CSPP1: variants seen among roughly 807,000 people sequenced by gnomAD.
The protein encoded by CSPP1 is centrosome and spindle pole-associated protein 1.
CSPP1 carries 126 observed loss-of-function variants against 164.4 expected under a neutral mutation model. The observed-to-expected ratio is 0.77, with a 90% CI of 0.66 to 0.89. CSPP1 has a LOEUF of 0.89. Ranked by LOEUF, CSPP1 falls within the 40% of genes least tolerant of loss-of-function variation. The probability of loss-of-function intolerance (pLI) is 0.00; values close to 1 mark genes in which losing one functional copy is unlikely to be tolerated. For synonymous variants in CSPP1, 472 were observed against 476.7 expected (o/e 0.99, Z 0.13); for missense variants, 1,395 against 1,449.8 (o/e 0.96, Z 0.61).
rs1563675965 is a variant in CSPP1 at position 67,146,799 on chromosome 8, CGT to C, written c.1976-2983_1976-2982del. 1.9e-3 allele frequency among the ~76,000 whole-genome samples: 283 copies of C among 152,246 alleles called. 2 individuals carry two copies. Among genetic ancestry groups the C allele is most frequent in the African/African-American group, 6.5e-3 (272 of 41,544 alleles). The stretch of plus-strand genomic sequence containing the variant: ...GAGCTAATTCACTCAGTGAGGAGCA[CGT>C]AAGTGCTCCTAATTTTATATTGAAT... On this transcript the variant is annotated intron_variant, in intron 17 of 30. Coordinates refer to ENST00000678616, the MANE Select transcript of CSPP1 (RefSeq NM_001382391.1).
At chr8:67,098,306 T>C (rs1296196750) in intron 7 of CSPP1, among the ~76,000 whole-genome samples, 4 of 151,120 alleles carry the variant, frequency 2.6e-5, no homozygotes, top group African/African-American at 9.7e-5. Flanking sequence ...TTTTTTTTTT[T>C]CCTTTCCTAA....
chr8:67,139,765 T>C (rs1369402371), intron 17 of CSPP1, among the ~76,000 whole-genome samples: 2 of 152,116 alleles, frequency 1.3e-5, no homozygotes, highest in Non-Finnish European at 2.9e-5. Context: ...ACACCGCATG[T>C]TCTCACTCAT....
chr8:67,142,666 C>A (rs957775281), intron 17 of CSPP1, among the ~76,000 whole-genome samples: 4 of 152,010 alleles, frequency 2.6e-5, no homozygotes, highest in Admixed American at 6.6e-5. Context: ...ATTTTTATTT[C>A]TTTTGGGTAA....
Position 67,095,293 on chromosome 8 carries a change from C to A in CSPP1, c.484C>A (p.Pro162Thr). 1 of 1,552,356 alleles carries A rather than the reference C, an allele frequency of 6.4e-7. No individual in the cohort carries two copies. Among genetic ancestry groups the A allele is most frequent in the Non-Finnish European group, 8.7e-7 (1 of 1,155,938 alleles). Reference sequence around the variant, plus strand: ...TCTTTTTTCTTTTTTAATTGAACAGCCCAAGAGTCAGAGAAATAAAAAACC... The same window carrying A: ...TCTTTTTTCTTTTTTAATTGAACAGACCAAGAGTCAGAGAAATAAAAAACC... ...KFRQVEKSTEPKSQRNKKPIG... is the reference protein window; with the variant it reads ...KFRQVEKSTETKSQRNKKPIG... Residue 162 changes from proline (P) to threonine (T), a missense_variant and splice_region_variant, in exon 7 of 31, where the codon CCC (proline) becomes ACC (threonine). By Grantham distance (38) the Pro-to-Thr change is conservative (BLOSUM62 -1). Transcript: ENST00000678616.
intron 24 of CSPP1, among the ~76,000 whole-genome samples, chr8:67,166,460 T>A (rs1829322021): frequency 6.6e-6 from 1 of 152,240 alleles, no homozygotes; most frequent in South Asian, 2.1e-4. Context: ...ACTTATGGTT[T>A]GTTTAGATTT....
chr8:67,194,890 A>G (rs1033913195), intron 30 of CSPP1, among the ~76,000 whole-genome samples: 2 of 152,178 alleles, frequency 1.3e-5, no homozygotes, highest in African/African-American at 4.8e-5. Flanking sequence ...AAGTAATCTC[A>G]TGCCAACTAG....
intron 9 of CSPP1, among the ~76,000 whole-genome samples, chr8:67,106,982 C>G (rs1309265501): frequency 6.6e-6 from 1 of 151,254 alleles, no homozygotes; most frequent in African/African-American, 2.4e-5. Context: ...CATGTAAAGG[C>G]TATATTCTTT....
In CSPP1 at chr8:67,164,504, A is replaced by G. The variant is rs747687393; in HGVS notation, c.2824A>G (p.Ile942Val). Residue 942 changes from isoleucine to valine, a missense_variant, in exon 24 of 31, where the codon ATC (isoleucine) becomes GTC (valine). Transcript: ENST00000678616. ...CATGGACAGTGATGATGAAATTCCT[A>G]TCAGGCAAGTTTAGAATTGCAGTTT... ...LHMDSDDEIPIRKKERNPMDI... is the reference protein window; with the variant it reads ...LHMDSDDEIPVRKKERNPMDI... 17 of 1,486,044 alleles carry G rather than the reference A, an allele frequency of 1.1e-5. No individual in the cohort carries two copies. The highest frequency in any genetic ancestry group is 1.7e-4 in the Middle Eastern group (1 of 5,836). 92.1% of individuals were successfully genotyped at this position (1,486,044 alleles called of 1,614,324 possible).
intron 17 of CSPP1, among the ~76,000 whole-genome samples, chr8:67,145,277 A>G (rs1824297760): frequency 6.6e-6 from 1 of 151,708 alleles, no homozygotes; most frequent in African/African-American, 2.4e-5. Context: ...TTTTATTCTA[A>G]TGTTTGTAGG....
At position 67,158,977 on chromosome 8, in the gene CSPP1, T is replaced by C. The variant is rs781185001; in HGVS notation, c.2392-14T>C. ...GGAATATATGGAATGCATATTTCTC[T>C]TTTTATTTTAAAGCAAAGGCTAAAA... On this transcript the variant is annotated splice_polypyrimidine_tract_variant and intron_variant, in intron 20 of 30. Coordinates refer to ENST00000678616, the MANE Select transcript of CSPP1 (RefSeq NM_001382391.1). 254 of 1,581,996 alleles carry C rather than the reference T, an allele frequency of 1.6e-4. 6 individuals are homozygous for C. In the East Asian group the frequency reaches 5.7e-3, roughly 35 times the overall value.
intron 30 of CSPP1, among the ~76,000 whole-genome samples, chr8:67,193,915 T>C (rs1837134131): frequency 1.3e-5 from 2 of 152,254 alleles, no homozygotes; most frequent in South Asian, 4.1e-4. Context: ...ATCACTTTAC[T>C]AAAGTAAAAC....
At chr8:67,103,297 A>G (rs1396789845) in intron 8 of CSPP1, among the ~76,000 whole-genome samples, 162 bp downstream of exon 8, 1 of 152,244 alleles carries the variant, frequency 6.6e-6, no homozygotes, top group African/African-American at 2.4e-5. Flanking sequence ...AGGTAGTACT[A>G]AATGAAAATC....
chr8:67,143,577 A>G (rs1398644728), intron 17 of CSPP1, among the ~76,000 whole-genome samples: 1 of 152,068 alleles, frequency 6.6e-6, no homozygotes, highest in Non-Finnish European at 1.5e-5. Context: ...GTGTATATCC[A>G]TTTATTGCTT....
At chr8:67,099,064 TAGA>T (rs1813467017) in intron 7 of CSPP1, among the ~76,000 whole-genome samples, 1 of 151,986 alleles carries the variant, frequency 6.6e-6, no homozygotes, top group Non-Finnish European at 1.5e-5. Flanking sequence ...CCTGATCAAC[TAGA>T]GTTGTTGACT....
intron 15 of CSPP1, among the ~76,000 whole-genome samples, chr8:67,122,010 CT>C (rs1388852348): frequency 2.6e-5 from 4 of 151,588 alleles, no homozygotes; most frequent in Admixed American, 2.6e-4. Flanking sequence ...AGTGATGCCC[CT>C]TTGTGAATTT....
chr8:67,168,460 G>A (rs1244903268), intron 24 of CSPP1, among the ~76,000 whole-genome samples: 8 of 152,154 alleles, frequency 5.3e-5, no homozygotes, highest in South Asian at 2.1e-4. Flanking sequence ...CAATTTTCTC[G>A]CTTGAAAATT....
intron 15 of CSPP1, 129 bp from the exon 16 acceptor site, chr8:67,131,822 G>T: frequency 1.3e-6 from 1 of 765,846 alleles, no homozygotes; most frequent in Non-Finnish European, 1.9e-6. Flanking sequence ...ATTCCTCTTT[G>T]GCCTATAGAG....
chr8:67,102,457 G>A lies in CSPP1; in HGVS notation c.924-580G>A, dbSNP rs139726232. Among the ~76,000 whole-genome samples the A allele has an allele frequency of 1.9e-3, 283 of 152,206 alleles. 3 individuals carry two copies. Among genetic ancestry groups the A allele is most frequent in the African/African-American group, 6.6e-3 (272 of 41,526 alleles). Reference sequence around the variant, plus strand: ...TACAAAAAATTAGCCAGGTATGGTGGTGCGCGCCTATAGTCCCAGCTACTT... The same window carrying A: ...TACAAAAAATTAGCCAGGTATGGTGATGCGCGCCTATAGTCCCAGCTACTT... On this transcript the variant is annotated intron_variant, in intron 7 of 30. Transcript: ENST00000678616.
chr8:67,091,923 C>A, intron 5 of CSPP1, 40 bp downstream of exon 5: 1 of 838,886 alleles, frequency 1.2e-6, no homozygotes, highest in South Asian at 1.6e-5. Flanking sequence ...ACCAGTTTTC[C>A]GAGGCATCAA....
Sources: allele counts gnomAD v4.1 joint callset (sites outside exome capture counted in the v4.1 genomes callset), GRCh38; gene constraint gnomAD v4.1.1; transcripts MANE v1.5; gene names NCBI Gene and HGNC (gene_info 2026-07-23, HGNC 2026-07-21).